Variants in TCEA1 observed in about 807,000 individuals in gnomAD.
TCEA1 encodes transcription elongation factor A protein 1.
A neutral mutation model predicts 43.8 loss-of-function variants in TCEA1; 21 were observed. The observed-to-expected ratio is 0.48, with a 90% CI of 0.34 to 0.69. The LOEUF is 0.69. TCEA1 is among the 30% of genes least tolerant of loss of function. The pLI is 0.01. For missense variants in TCEA1, 250 were observed against 365.1 expected (o/e 0.68, Z 2.57); for synonymous variants, 104 against 117.5 (o/e 0.88, Z 0.75).
At chr8:54,003,802 T>G (rs1028239513) in intron 2 of TCEA1, among the ~76,000 whole-genome samples, 1 of 151,428 alleles carries the variant, frequency 6.6e-6, no homozygotes, top group Non-Finnish European at 1.5e-5. Context: ...ATATCAAAAT[T>G]TAAAACTTTT....
chr8:54,009,901 C>T (rs937033827), intron 2 of TCEA1: 2 of 152,448 alleles, frequency 1.3e-5, no homozygotes, highest in Non-Finnish European at 2.9e-5. Context: ...ATTATACATT[C>T]TATGCATGTA....
chr8:54,018,898 C>A (rs898943143), intron 1 of TCEA1, among the ~76,000 whole-genome samples: 1 of 152,218 alleles, frequency 6.6e-6, no homozygotes, highest in African/African-American at 2.4e-5. Flanking sequence ...TAGAGAGACA[C>A]TGTAGCTTAA....
intron 1 of TCEA1, among the ~76,000 whole-genome samples, chr8:54,017,120 C>T (rs576405461): frequency 1.2e-4 from 18 of 151,946 alleles, no homozygotes; most frequent in African/African-American, 4.3e-4. Flanking sequence ...CTGTCAGAGG[C>T]GTGTGAGAAA....
intron 4 of TCEA1, among the ~76,000 whole-genome samples, chr8:53,990,008 C>A (rs1323797578): frequency 6.6e-6 from 1 of 152,020 alleles, no homozygotes; most frequent in Non-Finnish European, 1.5e-5. Flanking sequence ...ACAGCCCGGA[C>A]AAAATAGTGA....
chr8:54,008,476 C>T (rs1419985901), intron 2 of TCEA1, among the ~76,000 whole-genome samples: 3 of 151,742 alleles, frequency 2.0e-5, no homozygotes, highest in Admixed American at 2.0e-4. Flanking sequence ...AGAACCCCGT[C>T]TCTAAAAAAA....
chr8:53,994,150 G>A (rs149947245), intron 3 of TCEA1, among the ~76,000 whole-genome samples: 169 of 152,308 alleles, frequency 1.1e-3, no homozygotes, highest in Middle Eastern at 6.8e-3. Flanking sequence ...TTTGAGACCA[G>A]CCTGGGCAAC....
At chr8:53,988,029 T>C in intron 5 of TCEA1, 85 bp downstream of exon 5, 1 of 1,508,656 alleles carries the variant, frequency 6.6e-7, no homozygotes, top group East Asian at 2.4e-5. Flanking sequence ...AGGGTAACAC[T>C]CATCAAACAG....
In TCEA1 at chr8:53,967,655, T is replaced by C. The variant is rs1376655168; in HGVS notation, c.*449A>G. ...TTATTTGAATACACACCATATTTGGTAAACCTAAAATTATATTACCTTTTC... is the reference window on the plus strand; with the variant it reads ...TTATTTGAATACACACCATATTTGGCAAACCTAAAATTATATTACCTTTTC... On this transcript the variant is annotated 3_prime_UTR_variant, in exon 10 of 10. Coordinates refer to ENST00000521604, the MANE Select transcript of TCEA1 (RefSeq NM_006756.4). 1 of 205,526 alleles carries C rather than the reference T, an allele frequency of 4.9e-6. No individual in the cohort carries two copies. The highest frequency in any genetic ancestry group is 9.9e-6 in the Non-Finnish European group (1 of 101,048). The allele number at this position is 205,526 out of a possible 1,614,324, so 12.7% of individuals were successfully genotyped here.
rs184842938 is a variant in TCEA1, at chr8:53,999,055, C to T, written c.232+890G>A. On this transcript the variant is annotated intron_variant, in intron 3 of 9. Coordinates refer to ENST00000521604, the MANE Select transcript of TCEA1 (RefSeq NM_006756.4). ...CACCCTGGCTAACACGGTGAAACCT[C>T]GTCTCTACTAAAAATACAAAAAATT... Among the ~76,000 whole-genome samples, 254 of 151,886 alleles carry T rather than the reference C, an allele frequency of 1.7e-3. 2 individuals are homozygous for T. Among genetic ancestry groups the T allele is most frequent in the African/African-American group, 5.5e-3 (228 of 41,474 alleles).
Position 53,988,213 on chromosome 8 carries a change from G to C in TCEA1, c.367C>G (p.Arg123Gly), listed in dbSNP as rs776875502. ...GGAAAGGATGAAACATAAGTATCTC[G>C]AGCATTTGTCTCATCCTTTCTGTTG... ...VSNRKDETNARDTYVSSFPRA... is the reference protein window; with the variant it reads ...VSNRKDETNAGDTYVSSFPRA... The change falls in exon 5 of 10, where the codon CGA becomes GGA. Residue 123 changes from arginine (R) to glycine (G), a missense_variant. Coordinates refer to ENST00000521604, the MANE Select transcript of TCEA1 (RefSeq NM_006756.4). 1 of 1,613,310 alleles carries C rather than the reference G, an allele frequency of 6.2e-7. No homozygotes were observed. Among genetic ancestry groups the C allele is most frequent in the Non-Finnish European group, 8.5e-7 (1 of 1,179,694 alleles).
intron 6 of TCEA1, among the ~76,000 whole-genome samples, chr8:53,986,259 C>A (rs1803685647): frequency 6.6e-6 from 1 of 152,220 alleles, no homozygotes; most frequent in Non-Finnish European, 1.5e-5. Context: ...GCCAATCCAC[C>A]TGCCTGGTCC....
intron 7 of TCEA1, 68 bp downstream of exon 7, chr8:53,984,295 T>C: frequency 7.0e-7 from 1 of 1,419,410 alleles, no homozygotes; most frequent in Non-Finnish European, 9.4e-7. Flanking sequence ...TAGTCTATGA[T>C]GATAATAGGC....
rs540176103 is a variant in TCEA1, at chr8:53,973,270, G to A, written c.826-2807C>T. 204 of 492,136 alleles carry A rather than the reference G, an allele frequency of 4.1e-4. No individual in the cohort carries two copies. The East Asian group carries it at 7.0e-3, about 17-fold the overall frequency. 30.5% of individuals were successfully genotyped at this position (492,136 alleles called of 1,614,324 possible). On this transcript the variant is annotated intron_variant, in intron 8 of 9. Coordinates refer to ENST00000521604, the MANE Select transcript of TCEA1 (RefSeq NM_006756.4). ...AAGAAAATGATATGGAAATGGAAAC[G>A]AAGTGGGTTCCAGGTCTTAAAGAAA...
At chr8:54,001,872 G>A (rs1186417939) in intron 2 of TCEA1, among the ~76,000 whole-genome samples, 1 of 151,994 alleles carries the variant, frequency 6.6e-6, no homozygotes, top group Non-Finnish European at 1.5e-5. Context: ...TGAGGGGCAC[G>A]GTGGCTCACA....
Position 53,979,006 on chromosome 8 carries a change from T to A in TCEA1, c.825+19A>T. The stretch of plus-strand genomic sequence containing the variant: ...AAGCATTTTTATATAAAAATAAGAA[T>A]CTATAAACAATCACAAACCTGTGTG... On this transcript the variant is annotated intron_variant, in intron 8 of 9. Transcript: ENST00000521604. 6.3e-7 allele frequency: 1 copy of A among 1,591,082 alleles called. No homozygotes were observed. The highest frequency in any genetic ancestry group is 8.6e-7 in the Non-Finnish European group (1 of 1,166,642).
Position 53,992,546 on chromosome 8 carries a change from G to A in TCEA1, c.320+1122C>T, listed in dbSNP as rs186139407. Among the ~76,000 whole-genome samples the A allele has an allele frequency of 3.3e-5, 5 of 152,310 alleles. No homozygotes were observed. In the East Asian group the frequency reaches 7.7e-4, roughly 23 times the overall value. On this transcript the variant is annotated intron_variant, in intron 4 of 9. Transcript: ENST00000521604. ...AATTGCTTTGAACCTGGGAGGTGGA[G>A]GTTGCAGTGAGCCAAGATCGCACCA...
chr8:53,977,931 G>A (rs2129300140), intron 8 of TCEA1, among the ~76,000 whole-genome samples: 1 of 152,222 alleles, frequency 6.6e-6, no homozygotes, highest in Non-Finnish European at 1.5e-5. Context: ...AAATAAAAAG[G>A]ATTATGGCCA....
At chr8:53,989,615 A>T (rs1803808773) in intron 4 of TCEA1, among the ~76,000 whole-genome samples, 1 of 152,254 alleles carries the variant, frequency 6.6e-6, no homozygotes, top group Admixed American at 6.5e-5. Context: ...AACTTTTCAT[A>T]CATTTTCTTC....
At chr8:54,009,051 T>C (rs917240577) in intron 2 of TCEA1, among the ~76,000 whole-genome samples, 1 of 151,772 alleles carries the variant, frequency 6.6e-6, no homozygotes, top group Non-Finnish European at 1.5e-5. Context: ...TGTTTTACCA[T>C]GTTGGCCAGG....
Sources: gnomAD v4.1 joint callset for allele counts (sites outside exome capture counted in the v4.1 genomes callset) on GRCh38, gnomAD v4.1.1 for gene constraint, MANE v1.5 for transcripts, NCBI Gene and HGNC (gene_info 2026-07-23, HGNC 2026-07-21) for gene names.